The following OPCML variants were observed in gnomAD, a reference collection of about 807,000 sequenced individuals.
OPCML encodes the protein opioid binding protein/cell adhesion molecule like.
OPCML carries 13 observed loss-of-function variants against 37.8 expected under a neutral mutation model. The ratio of observed to expected loss-of-function variants is 0.34; its 90% confidence interval spans 0.22 to 0.55. The LOEUF is 0.55. Among genes scored for constraint, OPCML ranks in the 20% least tolerant of loss-of-function variants. The pLI is 0.91. For synonymous variants in OPCML, 176 were observed against 168.8 expected, an observed-to-expected ratio of 1.04 and a Z score of -0.33; for missense variants, 341 against 435.6, an observed-to-expected ratio of 0.78 and a Z score of 1.93.
At chr11:132,469,829 G>A (rs1427592065) in intron 4 of OPCML, among the ~76,000 whole-genome samples, 1 of 94,198 alleles carries the variant, frequency 1.1e-5, no homozygotes, top group Non-Finnish European at 2.2e-5. Context: ...GTGTGTATGT[G>A]TGTGGGGGGC....
At chr11:133,490,411 C>T (rs1947629317) in intron 1 of OPCML, among the ~76,000 whole-genome samples, 1 of 152,084 alleles carries the variant, frequency 6.6e-6, no homozygotes, top group Admixed American at 6.5e-5. Context: ...TCTTTTGAAT[C>T]TCATATTCTG....
intron 1 of OPCML, among the ~76,000 whole-genome samples, chr11:133,235,261 T>A (rs2136396559): frequency 6.6e-6 from 1 of 152,308 alleles, no homozygotes; most frequent in South Asian, 2.1e-4. Context: ...TGGAGGCAAG[T>A]AACCCTCAGT....
intron 1 of OPCML, among the ~76,000 whole-genome samples, chr11:132,947,647 CAG>C (rs899799756): frequency 1.8e-4 from 28 of 152,278 alleles, no homozygotes; most frequent in Non-Finnish European, 3.7e-4. Context: ...AAATTAGAAA[CAG>C]AAAATGAGCT....
At chr11:132,845,937 C>T (rs1309712195) in intron 2 of OPCML, among the ~76,000 whole-genome samples, 2 of 152,162 alleles carry the variant, frequency 1.3e-5, no homozygotes, top group Non-Finnish European at 2.9e-5. Context: ...CTGGATGGAG[C>T]AGAGCCACCT....
chr11:132,826,741 C>T (rs1467452977), intron 2 of OPCML, among the ~76,000 whole-genome samples: 3 of 152,110 alleles, frequency 2.0e-5, no homozygotes, highest in African/African-American at 4.8e-5. Context: ...TTCTCTGAGT[C>T]TTGGCAATAG....
intron 2 of OPCML, among the ~76,000 whole-genome samples, chr11:132,882,103 G>A (rs1355410452): frequency 6.6e-6 from 1 of 152,078 alleles, no homozygotes; most frequent in Non-Finnish European, 1.5e-5. Context: ...ACATTTCAAG[G>A]TAAATCCTTA....
intron 3 of OPCML, among the ~76,000 whole-genome samples, chr11:132,598,026 G>A (rs1282870648): frequency 6.6e-6 from 1 of 151,258 alleles, no homozygotes; most frequent in Non-Finnish European, 1.5e-5. Context: ...TATCTTCCAC[G>A]AAGCTTGCTC....
At chr11:132,942,260 T>C (rs532684738) in intron 2 of OPCML, among the ~76,000 whole-genome samples, 5 of 152,320 alleles carry the variant, frequency 3.3e-5, no homozygotes, top group African/African-American at 9.6e-5. Context: ...CTGTAACTCA[T>C]TAAGGTAAAA....
intron 1 of OPCML, among the ~76,000 whole-genome samples, chr11:133,018,542 C>T (rs1194550657): frequency 1.3e-5 from 2 of 152,060 alleles, no homozygotes; most frequent in Non-Finnish European, 2.9e-5. Context: ...TCGGAAAATC[C>T]GACCCCCTTT....
chr11:132,822,678 C>T (rs771379838), intron 2 of OPCML, among the ~76,000 whole-genome samples: 1 of 152,184 alleles, frequency 6.6e-6, no homozygotes, highest in Non-Finnish European at 1.5e-5. Context: ...AAGTCCCTCC[C>T]TTTCCTTAAC....
At chr11:133,288,472 G>GA (rs1437788347) in intron 1 of OPCML, among the ~76,000 whole-genome samples, 2 of 152,114 alleles carry the variant, frequency 1.3e-5, no homozygotes, top group Non-Finnish European at 1.5e-5. Flanking sequence ...GAGTGCTTTA[G>GA]AAAAAAAGTG....
intron 1 of OPCML, among the ~76,000 whole-genome samples, chr11:133,166,952 T>A (rs1022765272): frequency 1.3e-4 from 20 of 152,190 alleles, no homozygotes; most frequent in Non-Finnish European, 2.5e-4. Context: ...GCTTGCATTT[T>A]TTCTCTCTCA....
At chr11:133,222,008 C>G (rs1248365011) in intron 1 of OPCML, among the ~76,000 whole-genome samples, 4 of 152,184 alleles carry the variant, frequency 2.6e-5, no homozygotes, top group South Asian at 2.1e-4. Flanking sequence ...TCAATGCCAG[C>G]TCTAGTTCCT....
chr11:133,120,424 C>T (rs1949402593), intron 1 of OPCML, among the ~76,000 whole-genome samples: 1 of 152,154 alleles, frequency 6.6e-6, no homozygotes, highest in Non-Finnish European at 1.5e-5. Context: ...CACTTGGAAA[C>T]ATACAAGAGC....
intron 4 of OPCML, among the ~76,000 whole-genome samples, chr11:132,472,516 T>G (rs2096141146): frequency 6.6e-6 from 1 of 152,214 alleles, no homozygotes; most frequent in South Asian, 2.1e-4. Context: ...AATGAGCATC[T>G]CTCTGTAATA....
At chr11:132,722,114 C>T (rs982108639) in intron 2 of OPCML, among the ~76,000 whole-genome samples, 2 of 151,602 alleles carry the variant, frequency 1.3e-5, no homozygotes, top group African/African-American at 4.8e-5. Flanking sequence ...CACCATCATG[C>T]CTGGCTAATT....
rs542888294 is a variant in OPCML, at chr11:132,690,265, C to T, written c.147-32946G>A. On this transcript the variant is annotated intron_variant, in intron 2 of 7. Coordinates refer to ENST00000524381, the MANE Select transcript of OPCML (RefSeq NM_001012393.5). ...AAGCCAGGTTCTTAAACTTAACGTG[C>T]ATCCGAGTCATCTGGAAGACCTATT... 5.3e-5 allele frequency among the ~76,000 whole-genome samples: 8 copies of T among 152,278 alleles called. No homozygotes were observed. The East Asian group carries it at 1.4e-3, about 26-fold the overall frequency.
At chr11:133,504,548 T>C (rs1016665725) in intron 1 of OPCML, among the ~76,000 whole-genome samples, 7 of 152,144 alleles carry the variant, frequency 4.6e-5, no homozygotes, top group Non-Finnish European at 1.0e-4. Context: ...CAGACTTTTG[T>C]GAGTGCTGAG....
At chr11:132,599,611 T>C (rs1021255919) in intron 3 of OPCML, among the ~76,000 whole-genome samples, 5 of 152,200 alleles carry the variant, frequency 3.3e-5, no homozygotes, top group East Asian at 1.9e-4. Flanking sequence ...CCACTTGTTA[T>C]CTTACCAAAA....
Sources: gnomAD v4.1 joint callset for allele counts (sites outside exome capture counted in the v4.1 genomes callset) on GRCh38, gnomAD v4.1.1 for gene constraint, MANE v1.5 for transcripts, NCBI Gene and HGNC (gene_info 2026-07-23, HGNC 2026-07-21) for gene names.